BICDL2: variants seen among roughly 807,000 people sequenced by gnomAD.
BICDL2 encodes the protein BICD family like cargo adaptor 2.
In BICDL2, 62 loss-of-function variants were observed where a neutral mutation model predicts 56.6. The ratio of observed to expected loss-of-function variants is 1.10; its 90% CI spans 0.89 to 1.35. The LOEUF (loss-of-function observed/expected upper bound fraction) is 1.35. Ranked by LOEUF, BICDL2 falls within the 40% of genes most tolerant of loss-of-function variation. The pLI, the probability that BICDL2 is intolerant of heterozygous loss-of-function variation, is 0.00. For synonymous variants in BICDL2, 358 were observed against 319.8 expected, an observed-to-expected ratio of 1.12 and a Z score of -1.27; for missense variants, 808 against 684.5, an observed-to-expected ratio of 1.18 and a Z score of -2.01.
chr16:3,035,653 G>T, intron 1 of BICDL2, 127 bp from the exon 2 acceptor site: 1 of 797,128 alleles, frequency 1.3e-6, no homozygotes, highest in South Asian at 1.8e-5. Context: ...GGCCACAAAG[G>T]GTTAATGACC....
intron 7 of BICDL2, 89 bp from the exon 8 acceptor site, chr16:3,028,919 C>A: frequency 3.4e-6 from 5 of 1,451,210 alleles, no homozygotes; most frequent in Non-Finnish European, 4.6e-6. Context: ...TCTCCCCACC[C>A]CTCCTCTGCC....
In BICDL2 at chr16:3,028,164, A is replaced by G. The variant is rs12448103; in HGVS notation, c.1469T>C (p.Leu490Pro). The change falls in exon 10 of 10, where the codon CTG becomes CCG. Residue 490 changes from leucine to proline, a missense_variant. Coordinates refer to ENST00000572449, the MANE Select transcript of BICDL2 (RefSeq NM_001369667.1). ...TPRRAAPRFSLRLGPGPAGGF... is the reference protein window; with the variant it reads ...TPRRAAPRFSPRLGPGPAGGF... ...ACCGGCGGGCCCGGGGCCCAGGCGC[A>G]GCGAGAAGCGGGGCGCGGCACGGCG... 0.23 allele frequency: 331,283 copies of G among 1,444,472 alleles called. 39,752 individuals are homozygous for G. Among genetic ancestry groups the G allele is most frequent in the Admixed American group, 0.31 (9,648 of 30,910 alleles). 89.5% of individuals were successfully genotyped at this position (1,444,472 alleles called of 1,614,324 possible).
Position 3,030,763 on chromosome 16 carries a change from C to T in BICDL2, c.548G>A (p.Gly183Glu), listed in dbSNP as rs1254112617. The T allele has an allele frequency of 6.2e-7, 1 of 1,612,610 alleles. No homozygotes were observed. Among genetic ancestry groups the T allele is most frequent in the Non-Finnish European group, 8.5e-7 (1 of 1,179,724 alleles). The change falls in exon 4 of 10, where the codon GGA becomes GAA. Residue 183 changes from glycine to glutamate, a missense_variant. Coordinates refer to ENST00000572449, the MANE Select transcript of BICDL2 (RefSeq NM_001369667.1). Reference sequence around the variant, plus strand: ...AGCCAGTGCCTGAGCCTGGCACTGTCCCCGAAGGGCGTCCAGTTCCCTCTG... The same window carrying T: ...AGCCAGTGCCTGAGCCTGGCACTGTTCCCGAAGGGCGTCCAGTTCCCTCTG... ...ELQRELDALR[G>E]QCQAQALAGA...
intron 3 of BICDL2, 46 bp downstream of exon 3, chr16:3,030,889 A>G: frequency 6.5e-7 from 1 of 1,544,350 alleles, no homozygotes; most frequent in East Asian, 2.4e-5. Flanking sequence ...GGACCCAGGC[A>G]TCCTCCCCAA....
In BICDL2 at chr16:3,035,207, T is replaced by C. The variant is rs1326591528; in HGVS notation, c.282+8A>G. 1 of 267,782 alleles carries C rather than the reference T, an allele frequency of 3.7e-6. No individual in the cohort carries two copies. The highest frequency in any genetic ancestry group is 7.8e-5 in the South Asian group (1 of 12,800). 16.6% of individuals were successfully genotyped at this position (267,782 alleles called of 1,614,324 possible). ...CCCACCCACCCACCCCGTCCAGTGC[T>C]AGCTCACTTCCTCACGCTCCAAGTG... On this transcript the variant is annotated splice_region_variant and intron_variant, in intron 2 of 9. Coordinates refer to ENST00000572449, the MANE Select transcript of BICDL2 (RefSeq NM_001369667.1).
At chr16:3,028,493 C>G in intron 8 of BICDL2, 25 bp from the exon 9 acceptor site, 1 of 1,568,946 alleles carries the variant, frequency 6.4e-7, no homozygotes, top group Non-Finnish European at 8.6e-7. Flanking sequence ...GCAGAAGACG[C>G]GTTTGAGGGC....
rs2072845143 is a variant in BICDL2, at chr16:3,027,940, C to T, written c.*166G>A. ...TGGAGCTCCTGCCCCACAAAGCTGG[C>T]CCCTGCTCCGGATGAGCCCCTGCTC... On this transcript the variant is annotated 3_prime_UTR_variant, in exon 10 of 10. Coordinates refer to ENST00000572449, the MANE Select transcript of BICDL2 (RefSeq NM_001369667.1). 1.8e-6 allele frequency: 2 copies of T among 1,097,666 alleles called. No homozygotes were observed. Among genetic ancestry groups the T allele is most frequent in the Non-Finnish European group, 2.5e-6 (2 of 812,990 alleles). The allele number at this position is 1,097,666 out of a possible 1,614,324, so 68.0% of individuals were successfully genotyped here.
At position 3,035,413 on chromosome 16, in the gene BICDL2, G is replaced by C; in HGVS notation, c.84C>G (p.Pro28=). 6.2e-7 allele frequency: 1 copy of C among 1,612,616 alleles called. No individual in the cohort carries two copies. The highest frequency in any genetic ancestry group is 1.7e-5 in the Admixed American group (1 of 60,002). ...ASPSGDEGFF[P]FVLERRDSFL... is the part of the protein sequence containing the mutation. ...ATGAGTCCCGCCGCTCCAGCACAAA[G>C]GGGAAGAAGCCCTCGTCGCCGCTGG... Residue 28 remains proline (P), a synonymous_variant, in exon 2 of 10, where the codon CCC becomes CCG. Coordinates refer to ENST00000572449, the MANE Select transcript of BICDL2 (RefSeq NM_001369667.1).
intron 2 of BICDL2, chr16:3,031,638 GA>G (rs1955657511): frequency 2.5e-6 from 1 of 403,656 alleles, no homozygotes; most frequent in East Asian, 3.6e-5. Flanking sequence ...ACCAGCGGGG[GA>G]ATGCCCTGGC....
intron 2 of BICDL2, 80 bp from the exon 3 acceptor site, chr16:3,031,230 G>C: frequency 8.0e-7 from 1 of 1,257,646 alleles, no homozygotes. Flanking sequence ...GCGATGGAGG[G>C]ACAGACACCT....
chr16:3,032,521 T>A (rs538207998), intron 2 of BICDL2: 86 of 152,034 alleles, frequency 5.7e-4, no homozygotes, highest in African/African-American at 2.0e-3. Flanking sequence ...CAGCTTAGAG[T>A]CCAGAGGGCA....
intron 8 of BICDL2, 87 bp downstream of exon 8, chr16:3,028,613 A>ATCAT: frequency 6.8e-7 from 1 of 1,476,154 alleles, no homozygotes; most frequent in African/African-American, 1.8e-5. Context: ...GGGAGTGGGG[A>ATCAT]TCATTATAAC....
Position 3,031,183 on chromosome 16 carries a change from A to G in BICDL2, c.283-33T>C, listed in dbSNP as rs774856901. The G allele has an allele frequency of 9.2e-6, 14 of 1,521,178 alleles. No individual in the cohort carries two copies. The South Asian group carries it at 1.7e-4, about 18-fold the overall frequency. 94.2% of individuals were successfully genotyped at this position (1,521,178 alleles called of 1,614,324 possible). ...GGCCAGGGCAGAGGGACAGAGGCAG[A>G]GAGGCACCGATGAGACTGGGCAGGC... On this transcript the variant is annotated intron_variant, in intron 2 of 9. Transcript: ENST00000572449.
chr16:3,030,138 A>G (rs1955630852), intron 5 of BICDL2: 1 of 472,698 alleles, frequency 2.1e-6, no homozygotes, highest in African/African-American at 2.0e-5. Context: ...CAGACACCGC[A>G]TCCTCTTTTC....
rs200004706 is a variant in BICDL2, at chr16:3,030,718, C to T, written c.593G>A (p.Arg198Gln). The T allele has an allele frequency of 1.9e-4, 311 of 1,612,234 alleles. 1 individual carries two copies. The African/African-American group carries it at 3.7e-3, about 19-fold the overall frequency. The change falls in exon 4 of 10, where the codon CGG becomes CAG. Residue 198 changes from arginine to glutamine, a missense_variant. Arg to Gln is a conservative substitution (Grantham distance 43, BLOSUM62 1). Coordinates refer to ENST00000572449, the MANE Select transcript of BICDL2 (RefSeq NM_001369667.1). ...QALAGAELRT[R>Q]LESLQGENQM... ...CACTTCCCCCTGCAGACTCTCCAGC[C>T]GCGTCCTCAGCTCTGCTCCAGCCAG...
chr16:3,028,306 C>T (rs567996254), intron 9 of BICDL2, 33 bp from the exon 10 acceptor site: 1 of 1,536,978 alleles, frequency 6.5e-7, no homozygotes, highest in African/African-American at 1.4e-5. Context: ...CAGCGCCGGT[C>T]CCGCCCCTTG....
rs1016963378 is a variant in BICDL2, at chr16:3,030,696, T to A, written c.615A>T (p.Glu205Asp). The change falls in exon 4 of 10, where the codon GAA becomes GAT. Residue 205 changes from glutamate to aspartate, a missense_variant and splice_region_variant. Transcript: ENST00000572449. Reference sequence around the variant, plus strand: ...TCCCCCAGCCCCAGCTGACACTCACTTCCCCCTGCAGACTCTCCAGCCGCG... The same window carrying A: ...TCCCCCAGCCCCAGCTGACACTCACATCCCCCTGCAGACTCTCCAGCCGCG... ...LRTRLESLQGENQMLQSRRQD... is the reference protein window; with the variant it reads ...LRTRLESLQGDNQMLQSRRQD... 3.7e-6 allele frequency: 6 copies of A among 1,610,448 alleles called. No individual in the cohort carries two copies. The highest frequency in any genetic ancestry group is 2.7e-5 in the African/African-American group (2 of 74,878).
Position 3,028,259 on chromosome 16 carries a change from C to T in BICDL2, c.1374G>A (p.Val458=). The change falls in exon 10 of 10, where the codon GTG becomes GTA. Residue 458 remains valine (V), a synonymous_variant. Transcript: ENST00000572449. ...GTGAGCGCAGCTGCTGCCCGATCACCACCTGCATGTCGTCCTGCGGGAGGC... is the reference window on the plus strand; with the variant it reads ...GTGAGCGCAGCTGCTGCCCGATCACTACCTGCATGTCGTCCTGCGGGAGGC... ...ELEAWQDDMQ[V]VIGQQLRSQR... is the part of the protein sequence containing the mutation. 6.7e-7 allele frequency: 1 copy of T among 1,485,710 alleles called. No homozygotes were observed. The allele number at this position is 1,485,710 out of a possible 1,614,324, so 92.0% of individuals were successfully genotyped here.
intron 3 of BICDL2, 61 bp downstream of exon 3, chr16:3,030,874 G>T (rs933924575): frequency 1.1e-4 from 174 of 1,549,000 alleles, no homozygotes; most frequent in Non-Finnish European, 1.4e-4. Flanking sequence ...CCTACTCCCC[G>T]CTGGGGACCC....
Sources: gnomAD v4.1 joint callset for allele counts on GRCh38, gnomAD v4.1.1 for gene constraint, MANE v1.5 for transcripts, NCBI Gene and HGNC (gene_info 2026-07-23, HGNC 2026-07-21) for gene names.